The following NUDT4 variants were observed in gnomAD, a reference collection of about 807,000 sequenced individuals.
The protein encoded by NUDT4 is nudix hydrolase 4.
A neutral mutation model predicts 23.1 loss-of-function variants in NUDT4; 5 were observed. That is an observed-to-expected ratio of 0.22 (90% CI 0.11 to 0.46). The LOEUF (loss-of-function observed/expected upper bound fraction) is 0.46, where lower values mean the gene tolerates loss of function less well. Ranked by LOEUF, NUDT4 falls within the 20% of genes least tolerant of loss-of-function variation. The probability of loss-of-function intolerance (pLI) is 0.99; values close to 1 mark genes in which losing one functional copy is unlikely to be tolerated. For synonymous variants in NUDT4, 50 were observed against 79.0 expected (o/e 0.63, Z 1.95); for missense variants, 96 against 211.6 (o/e 0.45, Z 3.39).
intron 1 of NUDT4, among the ~76,000 whole-genome samples, chr12:93,382,223 CATTG>C (rs1275371351): frequency 6.8e-6 from 1 of 147,388 alleles, no homozygotes; most frequent in Non-Finnish European, 1.5e-5. Context: ...GAGATCATGC[CATTG>C]CACTCCAGCC....
intron 4 of NUDT4, 52 bp downstream of exon 4, chr12:93,398,907 G>T: frequency 1.6e-6 from 2 of 1,238,668 alleles, no homozygotes; most frequent in Non-Finnish European, 2.4e-6. Context: ...AGATTGGGAA[G>T]ATTCTGTTAA....
At chr12:93,398,666 C>A in intron 3 of NUDT4, 105 bp from the exon 4 acceptor site, 1 of 689,302 alleles carries the variant, frequency 1.5e-6, no homozygotes, top group South Asian at 1.8e-5. Flanking sequence ...CTGGGAAATA[C>A]GCTATGCTAA....
At chr12:93,388,698 G>T (rs1876277269) in intron 1 of NUDT4, among the ~76,000 whole-genome samples, 1 of 152,140 alleles carries the variant, frequency 6.6e-6, no homozygotes, top group Non-Finnish European at 1.5e-5. Context: ...AAAGTGGTAA[G>T]GTTTTGCATG....
chr12:93,396,835 G>A (rs1301914785), intron 3 of NUDT4, among the ~76,000 whole-genome samples: 6 of 152,266 alleles, frequency 3.9e-5, no homozygotes, highest in African/African-American at 1.4e-4. Context: ...GCTTGAACCC[G>A]GGAGGTGGAG....
rs1877589495 is a variant in NUDT4, at chr12:93,403,086, TC to T, written c.*3708del. 1 of 152,406 alleles carries T rather than the reference TC, an allele frequency of 6.6e-6. No individual in the cohort carries two copies. The highest frequency in any genetic ancestry group is 2.4e-5 in the African/African-American group (1 of 41,300). 9.4% of individuals were successfully genotyped at this position (152,406 alleles called of 1,614,324 possible). ...TCTTGCTGTGTTGCCCAGGCTGGTCTCAAACTCCTAGGCTTAAGCAGTCCTC... is the reference window on the plus strand; with the variant it reads ...TCTTGCTGTGTTGCCCAGGCTGGTCTAAACTCCTAGGCTTAAGCAGTCCTC... On this transcript the variant is annotated 3_prime_UTR_variant, in exon 5 of 5. Transcript: ENST00000415493.
chr12:93,403,329 G>C lies in NUDT4; in HGVS notation c.*3950G>C, dbSNP rs951342219. ...TGGTGTAGTTTTGGCTTTTTTGTTT[G>C]TTTTTTTGAGACAGCATCTCACACT... On this transcript the variant is annotated 3_prime_UTR_variant, in exon 5 of 5. Transcript: ENST00000415493. 2 of 151,850 alleles carry C rather than the reference G, an allele frequency of 1.3e-5. No individual in the cohort carries two copies. The highest frequency in any genetic ancestry group is 4.8e-5 in the African/African-American group (2 of 41,336). 9.4% of individuals were successfully genotyped at this position (151,850 alleles called of 1,614,324 possible).
chr12:93,386,432 G>C (rs1281287700), intron 1 of NUDT4, among the ~76,000 whole-genome samples: 2 of 151,946 alleles, frequency 1.3e-5, no homozygotes, highest in African/African-American at 4.8e-5. Flanking sequence ...CAAAAAAAAT[G>C]AGCCGAGCAT....
At chr12:93,394,854 T>C in intron 2 of NUDT4, 135 bp downstream of exon 2, 1 of 567,264 alleles carries the variant, frequency 1.8e-6, no homozygotes, top group South Asian at 2.4e-5. Flanking sequence ...TTTAATTTTT[T>C]TTTTTATTTT....
rs1875332816 is a variant in NUDT4 at position 93,378,197 on chromosome 12, C to T, written c.-126C>T. 2.7e-6 allele frequency: 1 copy of T among 372,518 alleles called. No individual in the cohort carries two copies. The highest frequency in any genetic ancestry group is 4.5e-5 in the East Asian group (1 of 22,326). 23.1% of individuals were successfully genotyped at this position (372,518 alleles called of 1,614,324 possible). On this transcript the variant is annotated 5_prime_UTR_variant, in exon 1 of 5. Transcript: ENST00000415493. Reference sequence around the variant, plus strand: ...ACCGGCCTCGCCGCACCTCCCGCACCGACTAGCGCTCCCGGGCGCTCCTGC... The same window carrying T: ...ACCGGCCTCGCCGCACCTCCCGCACTGACTAGCGCTCCCGGGCGCTCCTGC...
At chr12:93,385,558 G>T (rs1254309633) in intron 1 of NUDT4, among the ~76,000 whole-genome samples, 1 of 152,150 alleles carries the variant, frequency 6.6e-6, no homozygotes, top group African/African-American at 2.4e-5. Context: ...AACTGTTGGT[G>T]TGTCTTTGTA....
At chr12:93,393,426 T>C in intron 1 of NUDT4, among the ~76,000 whole-genome samples, 1 of 152,114 alleles carries the variant, frequency 6.6e-6, no homozygotes, top group East Asian at 1.9e-4. Flanking sequence ...AATGCTATTC[T>C]TGGTAAGGGG....
At chr12:93,386,685 A>T (rs1039465692) in intron 1 of NUDT4, among the ~76,000 whole-genome samples, 1 of 152,182 alleles carries the variant, frequency 6.6e-6, no homozygotes, top group Non-Finnish European at 1.5e-5. Context: ...AAAAACACGG[A>T]CTGCTCAGAA....
In NUDT4 at chr12:93,406,295, AAAAAAAAAAAG is replaced by A. The variant is rs1420812240; in HGVS notation, c.*6917_*6927del. 7.2e-4 allele frequency: 104 copies of A among 144,846 alleles called. No homozygotes were observed. Among genetic ancestry groups the A allele is most frequent in the Non-Finnish European group, 1.1e-3 (71 of 66,422 alleles). 9.0% of individuals were successfully genotyped at this position (144,846 alleles called of 1,614,324 possible). ...GCAGCCAAAAAAAAAAAAAAAAAAA[AAAAAAAAAAAG>A]GTTCCTGAACCATTCAACAGAAAAA... is the stretch of plus-strand genomic sequence containing the variant. On this transcript the variant is annotated 3_prime_UTR_variant, in exon 5 of 5. Coordinates refer to ENST00000415493, the MANE Select transcript of NUDT4 (RefSeq NM_019094.6).
chr12:93,395,128 C>T (rs1232626414), intron 2 of NUDT4, among the ~76,000 whole-genome samples: 1 of 152,030 alleles, frequency 6.6e-6, no homozygotes, highest in Non-Finnish European at 1.5e-5. Flanking sequence ...GGATTACAGG[C>T]GTGAGCCACT....
At chr12:93,393,810 A>G (rs1704101658) in intron 1 of NUDT4, among the ~76,000 whole-genome samples, 1 of 152,168 alleles carries the variant, frequency 6.6e-6, no homozygotes, top group South Asian at 2.1e-4. Context: ...AGCACTCTGT[A>G]TCAAGAATCG....
chr12:93,391,393 C>T (rs978104961), intron 1 of NUDT4, among the ~76,000 whole-genome samples: 8 of 151,768 alleles, frequency 5.3e-5, no homozygotes, highest in African/African-American at 1.7e-4. Context: ...GGCGAAACCC[C>T]ATCTCTACTC....
rs1482612491 is a variant in NUDT4 at position 93,403,908 on chromosome 12, A to G, written c.*4529A>G. 5.3e-5 allele frequency: 8 copies of G among 152,160 alleles called. No homozygotes were observed. The allele number at this position is 152,160 out of a possible 1,614,324, so 9.4% of individuals were successfully genotyped here. A position where few individuals can be genotyped will look rare whatever the true frequency, so the allele number is the denominator to read the frequency against. On this transcript the variant is annotated 3_prime_UTR_variant, in exon 5 of 5. Coordinates refer to ENST00000415493, the MANE Select transcript of NUDT4 (RefSeq NM_019094.6). ...AAGACATTATAGCAAAGACCTAAAC[A>G]CTCAAAGGTTCAACGTCTTCTAGCC... is the stretch of plus-strand genomic sequence containing the variant.
At chr12:93,379,867 A>G (rs1420832806) in intron 1 of NUDT4, among the ~76,000 whole-genome samples, 3 of 152,246 alleles carry the variant, frequency 2.0e-5, no homozygotes, top group Non-Finnish European at 4.4e-5. Flanking sequence ...AAAAGAAATG[A>G]TAGCCAAAAG....
At chr12:93,378,460 CG>C in intron 1 of NUDT4, 39 bp downstream of exon 1, 2 of 1,516,676 alleles carry the variant, frequency 1.3e-6, no homozygotes, top group Non-Finnish European at 1.8e-6. Context: ...TCCGGGGCGC[CG>C]GGGTCTAGGG....
Sources: allele counts gnomAD v4.1 joint callset (sites outside exome capture counted in the v4.1 genomes callset), GRCh38; gene constraint gnomAD v4.1.1; transcripts MANE v1.5; gene names NCBI Gene and HGNC (gene_info 2026-07-23, HGNC 2026-07-21).